GNA14: variants seen among roughly 807,000 people sequenced by gnomAD.
The protein encoded by GNA14 is guanine nucleotide-binding protein subunit alpha-14.
Under a neutral mutation model 42.0 loss-of-function variants are expected in GNA14, and 50 were observed. The observed-to-expected ratio is 1.19, with a 90% CI of 0.95 to 1.51. The LOEUF is 1.51. Ranked by LOEUF, GNA14 falls within the 40% of genes most tolerant of loss-of-function variation. The pLI, the probability that GNA14 is intolerant of heterozygous loss-of-function variation, is 0.00. For synonymous variants in GNA14, 173 were observed against 163.1 expected, an observed-to-expected ratio of 1.06 and a Z score of -0.46; for missense variants, 473 against 446.2, an observed-to-expected ratio of 1.06 and a Z score of -0.54.
At chr9:77,570,870 C>A (rs74452447) in intron 1 of GNA14, among the ~76,000 whole-genome samples, 273 of 151,008 alleles carry the variant, frequency 1.8e-3, no homozygotes, top group African/African-American at 2.7e-3. Context: ...TCTGAGCTCT[C>A]AAATTTTAAT....
intron 2 of GNA14, among the ~76,000 whole-genome samples, chr9:77,516,557 C>A (rs1450007693): frequency 6.6e-6 from 1 of 152,168 alleles, no homozygotes; most frequent in Admixed American, 6.5e-5. Flanking sequence ...GAAACCACAT[C>A]TCCACTAAAA....
chr9:77,448,195 A>G (rs1835852922), intron 2 of GNA14, among the ~76,000 whole-genome samples: 1 of 152,252 alleles, frequency 6.6e-6, no homozygotes, highest in African/African-American at 2.4e-5. Flanking sequence ...ATGGTCCACC[A>G]AGGCTAAATC....
At chr9:77,436,988 A>T (rs758731885) in intron 2 of GNA14, among the ~76,000 whole-genome samples, 2 of 152,174 alleles carry the variant, frequency 1.3e-5, no homozygotes, top group Non-Finnish European at 2.9e-5. Context: ...TCAGAGGAGG[A>T]GATGCTCAGG....
intron 2 of GNA14, among the ~76,000 whole-genome samples, chr9:77,486,909 T>C (rs745641776): frequency 3.9e-5 from 6 of 152,068 alleles, no homozygotes; most frequent in Non-Finnish European, 7.4e-5. Context: ...GTTTGAAATA[T>C]TGGGAGAATT....
intron 1 of GNA14, among the ~76,000 whole-genome samples, chr9:77,587,730 A>G (rs1039505266): frequency 2.6e-5 from 4 of 152,194 alleles, no homozygotes; most frequent in Non-Finnish European, 4.4e-5. Context: ...TAGTACTGTG[A>G]ATGTACTAAA....
chr9:77,637,479 T>C (rs748400057), intron 1 of GNA14, among the ~76,000 whole-genome samples: 8 of 152,242 alleles, frequency 5.3e-5, no homozygotes, highest in Non-Finnish European at 1.0e-4. Context: ...AAACCACATA[T>C]GGAAGGAATT....
chr9:77,557,579 T>G (rs1822805051), intron 1 of GNA14, among the ~76,000 whole-genome samples: 1 of 152,168 alleles, frequency 6.6e-6, no homozygotes, highest in Non-Finnish European at 1.5e-5. Flanking sequence ...AAACTATCTT[T>G]TCAATAACTA....
At chr9:77,453,024 C>T (rs1835943162) in intron 2 of GNA14, among the ~76,000 whole-genome samples, 1 of 152,132 alleles carries the variant, frequency 6.6e-6, no homozygotes, top group Non-Finnish European at 1.5e-5. Context: ...CCTGCAGTCC[C>T]AGCTACTTGA....
At chr9:77,469,321 T>C (rs571828024) in intron 2 of GNA14, among the ~76,000 whole-genome samples, 14 of 150,508 alleles carry the variant, frequency 9.3e-5, no homozygotes, top group Admixed American at 2.0e-4. Flanking sequence ...ATAAATTGTT[T>C]TGCAAGAGGG....
chr9:77,534,561 G>C (rs1459272186), intron 1 of GNA14, among the ~76,000 whole-genome samples: 2 of 152,198 alleles, frequency 1.3e-5, no homozygotes, highest in Non-Finnish European at 2.9e-5. Context: ...GATGTGTTCT[G>C]AAACCATCGT....
At chr9:77,583,585 G>A (rs950768486) in intron 1 of GNA14, among the ~76,000 whole-genome samples, 17 of 152,178 alleles carry the variant, frequency 1.1e-4, no homozygotes, top group African/African-American at 3.9e-4. Context: ...GAGTGTATGT[G>A]TGAGAGACAC....
At chr9:77,634,702 A>AT (rs1472900120) in intron 1 of GNA14, among the ~76,000 whole-genome samples, 2 of 152,150 alleles carry the variant, frequency 1.3e-5, no homozygotes, top group African/African-American at 4.8e-5. Context: ...TGTTCCTTTT[A>AT]TGAACCTTCT....
At chr9:77,537,445 A>G (rs1296309515) in intron 1 of GNA14, among the ~76,000 whole-genome samples, 1 of 152,170 alleles carries the variant, frequency 6.6e-6, no homozygotes, top group Non-Finnish European at 1.5e-5. Flanking sequence ...GTATCCCACT[A>G]TGTATATATA....
intron 1 of GNA14, among the ~76,000 whole-genome samples, chr9:77,576,895 C>T (rs148107297): frequency 6.6e-6 from 1 of 152,036 alleles, no homozygotes; most frequent in Non-Finnish European, 1.5e-5. Context: ...AAATATGAGC[C>T]TCATATGCTA....
chr9:77,480,657 G>A (rs1324561546), intron 2 of GNA14, among the ~76,000 whole-genome samples: 3 of 152,138 alleles, frequency 2.0e-5, no homozygotes, highest in Admixed American at 6.5e-5. Context: ...GGTAGAATTC[G>A]GCTGTGAATC....
chr9:77,485,817 C>A (rs1207199225), intron 2 of GNA14, among the ~76,000 whole-genome samples: 1 of 152,130 alleles, frequency 6.6e-6, no homozygotes. Context: ...AGCAGTAGGT[C>A]TCCACAGTAG....
At chr9:77,609,478 C>T (rs953356636) in intron 1 of GNA14, among the ~76,000 whole-genome samples, 1 of 152,190 alleles carries the variant, frequency 6.6e-6, no homozygotes. Flanking sequence ...CTCTTCCATG[C>T]TCTACCCATT....
At chr9:77,520,764 G>T (rs1288962780) in intron 2 of GNA14, among the ~76,000 whole-genome samples, 1 of 152,172 alleles carries the variant, frequency 6.6e-6, no homozygotes, top group African/African-American at 2.4e-5. Flanking sequence ...CAAATAGAAT[G>T]ATGGCCTCAC....
chr9:77,425,851 C>A (rs1587752102), intron 5 of GNA14, 136 bp from the exon 6 acceptor site: 1 of 702,160 alleles, frequency 1.4e-6, no homozygotes, highest in East Asian at 2.9e-5. Flanking sequence ...AGCTGGTGAG[C>A]ATGTGGGGCC....
Sources: allele counts gnomAD v4.1 joint callset (sites outside exome capture counted in the v4.1 genomes callset), GRCh38; gene constraint gnomAD v4.1.1; transcripts MANE v1.5; gene names NCBI Gene and HGNC (gene_info 2026-07-23, HGNC 2026-07-21).